PDE8B: variants seen among roughly 807,000 people sequenced by gnomAD.
PDE8B encodes phosphodiesterase 8B.
In PDE8B, 26 loss-of-function variants were observed where a neutral mutation model predicts 101.3. The observed-to-expected ratio is 0.26, with a 90% CI of 0.19 to 0.36. The LOEUF is 0.36. PDE8B is among the 10% of genes least tolerant of loss of function. PDE8B has a pLI of 1.00. For synonymous variants in PDE8B, 424 were observed against 429.3 expected, an observed-to-expected ratio of 0.99 and a Z score of 0.15; for missense variants, 810 against 1,163.1, an observed-to-expected ratio of 0.70 and a Z score of 4.42.
intron 1 of PDE8B, among the ~76,000 whole-genome samples, chr5:77,306,618 T>G (rs888510162): frequency 6.6e-6 from 1 of 152,226 alleles, no homozygotes; most frequent in African/African-American, 2.4e-5. Context: ...CTTTCCTTCC[T>G]GAATCCTTAG....
At chr5:77,356,604 AT>A (rs1782150304) in intron 10 of PDE8B, among the ~76,000 whole-genome samples, 1 of 151,800 alleles carries the variant, frequency 6.6e-6, no homozygotes, top group South Asian at 2.1e-4. Context: ...TAATTTTTGT[AT>A]TTTTTGTGGA....
At chr5:77,392,885 A>G (rs933557272) in intron 10 of PDE8B, among the ~76,000 whole-genome samples, 1 of 152,216 alleles carries the variant, frequency 6.6e-6, no homozygotes, top group Non-Finnish European at 1.5e-5. Flanking sequence ...TTTTCTCAGA[A>G]GAAGTAAGAC....
Position 77,419,749 on chromosome 5 carries a change from GT to G in PDE8B, c.2130-17del. The G allele has an allele frequency of 3.1e-6, 5 of 1,613,672 alleles. No homozygotes were observed. Among genetic ancestry groups the G allele is most frequent in the Non-Finnish European group, 4.2e-6 (5 of 1,179,712 alleles). On this transcript the variant is annotated splice_polypyrimidine_tract_variant and intron_variant, in intron 18 of 21. Coordinates refer to ENST00000264917, the MANE Select transcript of PDE8B (RefSeq NM_003719.5). The stretch of plus-strand genomic sequence containing the variant: ...AGACACGCTGTGAACAAGCCCCTTT[GT>G]CTTGTGGTTATTTTAGGAACCATTA...
At chr5:77,227,611 T>C (rs1164834508) in intron 1 of PDE8B, among the ~76,000 whole-genome samples, 1 of 152,162 alleles carries the variant, frequency 6.6e-6, no homozygotes, top group Non-Finnish European at 1.5e-5. Context: ...GGTGTGCCTG[T>C]GCATGTCCAT....
intron 1 of PDE8B, among the ~76,000 whole-genome samples, chr5:77,272,028 A>C (rs1399884855): frequency 6.6e-6 from 1 of 152,126 alleles, no homozygotes; most frequent in East Asian, 1.9e-4. Flanking sequence ...ACTGAAACAG[A>C]CCTGCGATGT....
chr5:77,250,001 C>T (rs1361711678), intron 1 of PDE8B, among the ~76,000 whole-genome samples: 1 of 152,224 alleles, frequency 6.6e-6, no homozygotes, highest in Non-Finnish European at 1.5e-5. Flanking sequence ...TATACAATCA[C>T]TGAATTACTG....
chr5:77,358,415 C>T, intron 10 of PDE8B: 1 of 984,804 alleles, frequency 1.0e-6, no homozygotes, highest in Non-Finnish European at 1.2e-6. Flanking sequence ...CACTTTTTGT[C>T]TGCACCACCC....
chr5:77,214,817 G>A (rs991510555), intron 1 of PDE8B, among the ~76,000 whole-genome samples: 1 of 152,178 alleles, frequency 6.6e-6, no homozygotes, highest in African/African-American at 2.4e-5. Context: ...TTCTGATTTA[G>A]TAGGTCTTGG....
the PDE8B span, among the ~76,000 whole-genome samples, chr5:77,107,278 C>T: frequency 2.0e-5 from 3 of 152,200 alleles, no homozygotes; most frequent in Non-Finnish European, 4.4e-5. Flanking sequence ...GTATGTGCCA[C>T]ATTTTCTTAA....
At chr5:77,216,048 A>G (rs1749622916) in intron 1 of PDE8B, among the ~76,000 whole-genome samples, 1 of 152,226 alleles carries the variant, frequency 6.6e-6, no homozygotes, top group Non-Finnish European at 1.5e-5. Context: ...CACAAGACCA[A>G]CCAACCAGTT....
chr5:77,281,887 T>G (rs1175711710), intron 1 of PDE8B, among the ~76,000 whole-genome samples: 1 of 152,118 alleles, frequency 6.6e-6, no homozygotes, highest in African/African-American at 2.4e-5. Context: ...CTACCCCACC[T>G]CAACTGGACT....
intron 13 of PDE8B, among the ~76,000 whole-genome samples, chr5:77,408,181 A>C (rs1387834217): frequency 6.6e-6 from 1 of 152,242 alleles, no homozygotes; most frequent in Non-Finnish European, 1.5e-5. Context: ...ATTTTGAGGC[A>C]GACCAATAGG....
At chr5:77,121,748 C>T in the PDE8B span, among the ~76,000 whole-genome samples, 1 of 152,146 alleles carries the variant, frequency 6.6e-6, no homozygotes, top group African/African-American at 2.4e-5. Context: ...CCTCGTGATC[C>T]ACCCGCCTCG....
intron 1 of PDE8B, among the ~76,000 whole-genome samples, chr5:77,264,042 C>A (rs1345732256): frequency 6.6e-6 from 1 of 152,146 alleles, no homozygotes; most frequent in Non-Finnish European, 1.5e-5. Context: ...GCAGTACGTG[C>A]GTCTTTTGTG....
At chr5:77,247,871 T>C (rs1278232930) in intron 1 of PDE8B, among the ~76,000 whole-genome samples, 5 of 152,180 alleles carry the variant, frequency 3.3e-5, no homozygotes, top group African/African-American at 4.8e-5. Flanking sequence ...TTAGGCCACA[T>C]TGGTTTCTCC....
rs1796586645 is a variant in PDE8B at position 77,421,315 on chromosome 5, G to C, written c.2251-506G>C. 2.6e-5 allele frequency among the ~76,000 whole-genome samples: 4 copies of C among 152,170 alleles called. No homozygotes were observed. The South Asian group carries it at 8.3e-4, about 32-fold the overall frequency. On this transcript the variant is annotated intron_variant, in intron 19 of 21. Coordinates refer to ENST00000264917, the MANE Select transcript of PDE8B (RefSeq NM_003719.5). ...AGTTGGGTGAGTTGGGGGTGGGACA[G>C]GTCATAGGAGGGAGGGAGATGGTAG...
At chr5:77,192,323 G>A in the PDE8B span, among the ~76,000 whole-genome samples, 1 of 152,084 alleles carries the variant, frequency 6.6e-6, no homozygotes, top group Non-Finnish European at 1.5e-5. Flanking sequence ...TTCCTTCCCA[G>A]CCAATTCCCA....
chr5:77,409,080 A>C, intron 14 of PDE8B, 23 bp downstream of exon 14: 1 of 1,610,658 alleles, frequency 6.2e-7, no homozygotes, highest in East Asian at 2.2e-5. Flanking sequence ...GCAAAACCTG[A>C]AAAGCAAGAG....
the PDE8B span, among the ~76,000 whole-genome samples, chr5:77,163,791 T>C: frequency 6.6e-6 from 1 of 152,196 alleles, no homozygotes. Context: ...TAAAGTCTCA[T>C]AAAAAATGTT....
Sources: allele counts gnomAD v4.1 joint callset (sites outside exome capture counted in the v4.1 genomes callset), GRCh38; gene constraint gnomAD v4.1.1; transcripts MANE v1.5; gene names NCBI Gene and HGNC (gene_info 2026-07-23, HGNC 2026-07-21).